Variants in MED12L observed in about 807,000 individuals in gnomAD.
MED12L encodes the protein mediator of RNA polymerase II transcription subunit 12-like protein.
Under a neutral mutation model 281.3 loss-of-function variants are expected in MED12L, and 60 were observed. The ratio of observed to expected loss-of-function variants is 0.21; its 90% confidence interval spans 0.17 to 0.26. The LOEUF is 0.26. MED12L is among the 10% of genes least tolerant of loss of function. The pLI is 1.00. For synonymous variants in MED12L, 974 were observed against 987.2 expected, an observed-to-expected ratio of 0.99 and a Z score of 0.25; for missense variants, 2,146 against 2,680.9, an observed-to-expected ratio of 0.80 and a Z score of 4.41.
chr3:151,370,246 G>A (rs967876615), intron 26 of MED12L, among the ~76,000 whole-genome samples: 1 of 152,056 alleles, frequency 6.6e-6, no homozygotes, highest in Non-Finnish European at 1.5e-5. Context: ...TGAATGATTA[G>A]GAAGTCTTCA....
At chr3:151,246,109 G>T (rs1219330590) in intron 16 of MED12L, among the ~76,000 whole-genome samples, 13 of 151,802 alleles carry the variant, frequency 8.6e-5, no homozygotes, top group African/African-American at 2.4e-4. Context: ...CACTGCTCAA[G>T]GAAATAAAAG....
chr3:151,394,528 A>G lies in MED12L; in HGVS notation c.5609-128A>G, dbSNP rs575867373. On this transcript the variant is annotated intron_variant, in intron 38 of 44. Transcript: ENST00000687756. The stretch of plus-strand genomic sequence containing the variant: ...GTCTATAATATTTGTGGCAGGTGGG[A>G]CAGTGCATTTTTTTCTACTTTGTTC... 297 of 1,391,756 alleles carry G rather than the reference A, an allele frequency of 2.1e-4. 1 individual carries two copies. The highest frequency in any genetic ancestry group is 6.6e-4 in the East Asian group (28 of 42,436). 86.2% of individuals were successfully genotyped at this position (1,391,756 alleles called of 1,614,324 possible). A position where few individuals can be genotyped will look rare whatever the true frequency, so the allele number is the denominator to read the frequency against.
intron 16 of MED12L, among the ~76,000 whole-genome samples, chr3:151,250,509 A>G (rs1366428423): frequency 6.6e-6 from 1 of 152,204 alleles, no homozygotes; most frequent in Non-Finnish European, 1.5e-5. Context: ...TATCTCATAG[A>G]AGTGGAATCA....
intron 16 of MED12L, among the ~76,000 whole-genome samples, chr3:151,348,710 G>A (rs1380770859): frequency 6.6e-6 from 1 of 152,134 alleles, no homozygotes; most frequent in Non-Finnish European, 1.5e-5. Context: ...AGTGCAATGG[G>A]AAGCAGTGGC....
chr3:151,375,149 A>C (rs533826853), intron 27 of MED12L, among the ~76,000 whole-genome samples: 3 of 152,336 alleles, frequency 2.0e-5, no homozygotes, highest in Admixed American at 2.0e-4. Context: ...TGGATGCCTA[A>C]AAAATTACTG....
chr3:151,191,963 T>A (rs1724044927), intron 14 of MED12L, among the ~76,000 whole-genome samples: 1 of 152,184 alleles, frequency 6.6e-6, no homozygotes, highest in Non-Finnish European at 1.5e-5. Context: ...CCATTATTAT[T>A]TTTTAAAACA....
Position 151,160,147 on chromosome 3 carries a change from A to G in MED12L, c.1107+46A>G, listed in dbSNP as rs181217213. The G allele has an allele frequency of 1.2e-5, 18 of 1,460,348 alleles. No homozygotes were observed. The East Asian group carries it at 4.0e-4, about 32-fold the overall frequency. 90.5% of individuals were successfully genotyped at this position (1,460,348 alleles called of 1,614,324 possible). On this transcript the variant is annotated intron_variant, in intron 8 of 44. Coordinates refer to ENST00000687756, the MANE Select transcript of MED12L (RefSeq NM_001393769.1). ...ATTTTATGTTAAAATTCAATGTGGG[A>G]AGTGATTGAGTTGGGAATGGCATTT... is the stretch of plus-strand genomic sequence containing the variant.
chr3:151,274,682 A>C (rs1457835502), intron 16 of MED12L, among the ~76,000 whole-genome samples: 1 of 152,226 alleles, frequency 6.6e-6, no homozygotes, highest in African/African-American at 2.4e-5. Context: ...ATCGTCTCCA[A>C]ATCCCCATTA....
At chr3:151,274,826 C>T (rs1196060050) in intron 16 of MED12L, among the ~76,000 whole-genome samples, 1 of 152,160 alleles carries the variant, frequency 6.6e-6, no homozygotes, top group Non-Finnish European at 1.5e-5. Flanking sequence ...CCACCAGAGG[C>T]CCAGAACCTT....
chr3:151,399,271 A>T (rs1715361512), intron 39 of MED12L, among the ~76,000 whole-genome samples: 1 of 152,236 alleles, frequency 6.6e-6, no homozygotes, highest in South Asian at 2.1e-4. Context: ...AAAAAGTGTT[A>T]GCTGTCATAC....
In MED12L at chr3:151,163,820, G is replaced by A. The variant is rs572982525; in HGVS notation, c.1108-73G>A. On this transcript the variant is annotated intron_variant, in intron 8 of 44. Transcript: ENST00000687756. ...AATAATACAGTGATGACAGGGTGTC[G>A]TTTTTACTGTTTAGCTATTGTTATG... The A allele has an allele frequency of 6.4e-5, 94 of 1,461,678 alleles. 3 individuals carry two copies. In the Admixed American group the frequency reaches 7.3e-4, roughly 11 times the overall value. The allele number at this position is 1,461,678 out of a possible 1,614,324, so 90.5% of individuals were successfully genotyped here.
At chr3:151,329,405 T>G (rs1020324717) in intron 16 of MED12L, 54 of 902,788 alleles carry the variant, frequency 6.0e-5, no homozygotes, top group Non-Finnish European at 8.6e-5. Flanking sequence ...ATATTAACTT[T>G]AAAGCACCTT....
At chr3:151,292,292 T>TG (rs1236487515) in intron 16 of MED12L, among the ~76,000 whole-genome samples, 1 of 51,022 alleles carries the variant, frequency 2.0e-5, no homozygotes, top group African/African-American at 5.2e-5. Context: ...TTGCTCCTTT[T>TG]TTTTTTTTTT....
chr3:151,347,610 G>C (rs2150001590), intron 16 of MED12L, among the ~76,000 whole-genome samples: 2 of 152,256 alleles, frequency 1.3e-5, no homozygotes, highest in East Asian at 3.9e-4. Flanking sequence ...TAGGTGTAAG[G>C]ACGAGCAACA....
In MED12L at chr3:151,090,854, A is replaced by G. The variant is rs577964862; in HGVS notation, c.99+3829A>G. ...CAGGAGTTCGAGACCAGCCTTAACA[A>G]CATGGTGAAACCCCGTCTCTACTAA... is the stretch of plus-strand genomic sequence containing the variant. On this transcript the variant is annotated intron_variant, in intron 2 of 44. Transcript: ENST00000687756. Among the ~76,000 whole-genome samples the G allele has an allele frequency of 1.8e-3, 274 of 152,296 alleles. 3 individuals are homozygous for G. Among genetic ancestry groups the G allele is most frequent in the South Asian group, 6.6e-3 (32 of 4,824 alleles).
At chr3:151,258,336 C>G (rs1461762211) in intron 16 of MED12L, among the ~76,000 whole-genome samples, 1 of 152,096 alleles carries the variant, frequency 6.6e-6, no homozygotes, top group East Asian at 1.9e-4. Context: ...TTGTTGCTGA[C>G]AAAATAATTT....
chr3:151,162,938 C>T (rs1177473315), intron 8 of MED12L, among the ~76,000 whole-genome samples: 1 of 152,088 alleles, frequency 6.6e-6, no homozygotes, highest in Non-Finnish European at 1.5e-5. Flanking sequence ...TTCATTGCCT[C>T]ATAGGGTTAA....
At chr3:151,176,037 A>G (rs1233472350) in intron 11 of MED12L, among the ~76,000 whole-genome samples, 4 of 152,120 alleles carry the variant, frequency 2.6e-5, no homozygotes, top group Non-Finnish European at 5.9e-5. Context: ...TATATATATA[A>G]TACAGGAGTA....
intron 16 of MED12L, among the ~76,000 whole-genome samples, chr3:151,330,550 G>A (rs139683488): frequency 6.6e-6 from 1 of 152,228 alleles, no homozygotes; most frequent in Admixed American, 6.5e-5. Flanking sequence ...GAGATCTTAC[G>A]GAGGATGTGG....
Sources: allele counts gnomAD v4.1 joint callset (sites outside exome capture counted in the v4.1 genomes callset), GRCh38; gene constraint gnomAD v4.1.1; transcripts MANE v1.5; gene names NCBI Gene and HGNC (gene_info 2026-07-23, HGNC 2026-07-21).